The following ZNF112 variants were observed in gnomAD, a reference collection of about 807,000 sequenced individuals.
ZNF112 encodes the protein zinc finger protein 112.
In ZNF112, 37 loss-of-function variants were observed where a neutral mutation model predicts 77.7. The ratio of observed to expected loss-of-function variants is 0.48; its 90% CI spans 0.37 to 0.63. The LOEUF (loss-of-function observed/expected upper bound fraction) is 0.63, where lower values mean the gene tolerates loss of function less well. ZNF112 is among the 20% of genes least tolerant of loss of function. ZNF112 has a pLI of 0.00. For synonymous variants in ZNF112, 333 were observed against 363.6 expected, an observed-to-expected ratio of 0.92 and a Z score of 0.96; for missense variants, 950 against 1,077.4, an observed-to-expected ratio of 0.88 and a Z score of 1.66.
rs1216344140 is a variant in ZNF112, at chr19:44,327,287, C to T, written c.*146G>A. ...TCTAACAAAATCCCTCGTGAAACCC[C>T]TCTCATTAAATGTCTCTGTTGTGTG... On this transcript the variant is annotated 3_prime_UTR_variant, in exon 4 of 4. Coordinates refer to ENST00000354340, the MANE Select transcript of ZNF112 (RefSeq NM_013380.4). 3 of 634,880 alleles carry T rather than the reference C, an allele frequency of 4.7e-6. No individual in the cohort carries two copies. The highest frequency in any genetic ancestry group is 3.1e-5 in the Admixed American group (1 of 32,020). The allele number at this position is 634,880 out of a possible 1,614,324, so 39.3% of individuals were successfully genotyped here. A position where few individuals can be genotyped will look rare whatever the true frequency, so the allele number is the denominator to read the frequency against.
intron 3 of ZNF112, among the ~76,000 whole-genome samples, chr19:44,330,987 T>C (rs1370200088): frequency 6.6e-6 from 1 of 152,226 alleles, no homozygotes; most frequent in Non-Finnish European, 1.5e-5. Flanking sequence ...TTACTTTATG[T>C]TTGAGGCATC....
intron 1 of ZNF112, among the ~76,000 whole-genome samples, chr19:44,343,914 C>G (rs746332795): frequency 2.6e-5 from 4 of 152,202 alleles, no homozygotes; most frequent in Non-Finnish European, 5.9e-5. Context: ...GATTACTGCT[C>G]TGTCCCGGGA....
intron 1 of ZNF112, among the ~76,000 whole-genome samples, chr19:44,349,756 A>T (rs1970658771): frequency 6.6e-6 from 1 of 152,086 alleles, no homozygotes; most frequent in Non-Finnish European, 1.5e-5. Context: ...GTTTGATTGC[A>T]GAAGGCAAAG....
At chr19:44,339,888 T>C (rs1007322584) in intron 2 of ZNF112, among the ~76,000 whole-genome samples, 1 of 152,042 alleles carries the variant, frequency 6.6e-6, no homozygotes, top group Non-Finnish European at 1.5e-5. Flanking sequence ...TACCCTCAAG[T>C]CGTTCAGAAA....
At chr19:44,352,822 AT>A (rs1268917710) in intron 1 of ZNF112, among the ~76,000 whole-genome samples, 1 of 152,090 alleles carries the variant, frequency 6.6e-6, no homozygotes, top group Admixed American at 6.5e-5. Context: ...TATGCAGAAA[AT>A]CATGAAACAC....
At chr19:44,359,367 G>C (rs942832786), upstream of ZNF112, among the ~76,000 whole-genome samples, 2 of 121,790 alleles carry the variant, frequency 1.6e-5, no homozygotes, top group Non-Finnish European at 3.2e-5. Flanking sequence ...TCTGTTCCCC[G>C]GGCTGAAGTG....
At chr19:44,346,072 C>T (rs552474196) in intron 1 of ZNF112, among the ~76,000 whole-genome samples, 2 of 152,350 alleles carry the variant, frequency 1.3e-5, no homozygotes, top group East Asian at 3.9e-4. Context: ...TAACACTGAG[C>T]TTGTATGTGC....
At chr19:44,331,346 GT>G (rs1310231526) in intron 3 of ZNF112, among the ~76,000 whole-genome samples, 1 of 152,170 alleles carries the variant, frequency 6.6e-6, no homozygotes, top group Non-Finnish European at 1.5e-5. Flanking sequence ...TTATGTTAGT[GT>G]TTAGGAAATT....
At chr19:44,337,558 C>T (rs995433804) in intron 2 of ZNF112, among the ~76,000 whole-genome samples, 4 of 147,152 alleles carry the variant, frequency 2.7e-5, no homozygotes, top group African/African-American at 7.5e-5. Context: ...AATGGGTTGC[C>T]GGGGAAGGGT....
At chr19:44,349,011 G>T (rs1304832301) in intron 1 of ZNF112, among the ~76,000 whole-genome samples, 1 of 151,922 alleles carries the variant, frequency 6.6e-6, no homozygotes, top group Admixed American at 6.6e-5. Flanking sequence ...ACTTTTTAAT[G>T]GTTGAAAAAA....
intron 1 of ZNF112, among the ~76,000 whole-genome samples, chr19:44,365,132 G>A (rs573619822): frequency 3.1e-4 from 47 of 152,102 alleles, no homozygotes; most frequent in Non-Finnish European, 5.7e-4. Context: ...GTTGTTGGAA[G>A]GCTTTATCTA....
chr19:44,328,680 G>A lies in ZNF112; in HGVS notation c.1477C>T (p.Arg493Cys), dbSNP rs1409665919. The stretch of plus-strand genomic sequence containing the variant: ...TTGAAGCCATTCCCATGCTCCTTAC[G>A]TGGTTTCTCTCCAATGTGAATTTTT... ...HPKIHIGEKP[R>C]KEHGNGFNWS... Residue 493 changes from arginine to cysteine, a missense_variant, in exon 4 of 4, where the codon CGT (arginine) becomes TGT (cysteine). Arg to Cys is a radical substitution (Grantham distance 180). Coordinates refer to ENST00000354340, the MANE Select transcript of ZNF112 (RefSeq NM_013380.4). The A allele has an allele frequency of 1.8e-5, 29 of 1,613,930 alleles. No individual in the cohort carries two copies. The highest frequency in any genetic ancestry group is 2.2e-5 in the East Asian group (1 of 44,900).
At chr19:44,351,063 A>C (rs1200820181) in intron 1 of ZNF112, among the ~76,000 whole-genome samples, 1 of 152,004 alleles carries the variant, frequency 6.6e-6, no homozygotes, top group Non-Finnish European at 1.5e-5. Flanking sequence ...TGCTTCTCAT[A>C]GGAATCCATT....
chr19:44,363,695 A>AT (rs1212843871), intron 1 of ZNF112, among the ~76,000 whole-genome samples: 7 of 152,174 alleles, frequency 4.6e-5, no homozygotes, highest in Non-Finnish European at 8.8e-5. Flanking sequence ...TTGTTTAAAT[A>AT]TTTTTATGAA....
chr19:44,358,069 G>A (rs984649089), upstream of ZNF112, among the ~76,000 whole-genome samples: 7 of 151,286 alleles, frequency 4.6e-5, no homozygotes, highest in Admixed American at 1.3e-4. Flanking sequence ...GGAGAATGGC[G>A]TGAACCCGGG....
chr19:44,360,231 G>A (rs1365767312), upstream of ZNF112, among the ~76,000 whole-genome samples: 1 of 149,976 alleles, frequency 6.7e-6, no homozygotes, highest in Non-Finnish European at 1.5e-5. Flanking sequence ...ACTCCAGCCT[G>A]GGTGACAGAG....
chr19:44,337,623 T>A (rs1447849696), intron 2 of ZNF112, among the ~76,000 whole-genome samples: 1 of 149,670 alleles, frequency 6.7e-6, no homozygotes, highest in African/African-American at 2.5e-5. Context: ...GGTTGTATCA[T>A]TTTGCATTCT....
At position 44,336,612 on chromosome 19, in the gene ZNF112, A is replaced by C. The variant is rs777382619; in HGVS notation, c.220+11T>G. Reference sequence around the variant, plus strand: ...TCCCTGGCTGCTGTGTTCCTGCAGCACAGTTCTCACCTGAACATCCATCTC... The same window carrying C: ...TCCCTGGCTGCTGTGTTCCTGCAGCCCAGTTCTCACCTGAACATCCATCTC... On this transcript the variant is annotated intron_variant, in intron 3 of 3. Coordinates refer to ENST00000354340, the MANE Select transcript of ZNF112 (RefSeq NM_013380.4). 6.2e-7 allele frequency: 1 copy of C among 1,608,878 alleles called. No homozygotes were observed. Among genetic ancestry groups the C allele is most frequent in the Non-Finnish European group, 8.5e-7 (1 of 1,175,232 alleles).
intron 1 of ZNF112, among the ~76,000 whole-genome samples, chr19:44,341,567 C>G (rs1277032063): frequency 6.6e-6 from 1 of 152,092 alleles, no homozygotes; most frequent in Non-Finnish European, 1.5e-5. Flanking sequence ...TTAAAAAAAT[C>G]TTTCATAATC....
Sources: gnomAD v4.1 joint callset for allele counts (sites outside exome capture counted in the v4.1 genomes callset) on GRCh38, gnomAD v4.1.1 for gene constraint, MANE v1.5 for transcripts, NCBI Gene and HGNC (gene_info 2026-07-23, HGNC 2026-07-21) for gene names.